Variants in COL19A1 observed in about 807,000 individuals in gnomAD.
The protein encoded by COL19A1 is collagen alpha-1(XIX) chain.
In COL19A1, 159 loss-of-function variants were observed where a neutral mutation model predicts 190.2. The ratio of observed to expected loss-of-function variants is 0.84; its 90% CI spans 0.73 to 0.95. COL19A1 has a LOEUF of 0.95. COL19A1 is among the 40% of genes least tolerant of loss of function. The pLI is 0.00. For missense variants in COL19A1, 1,418 were observed against 1,431.9 expected, an observed-to-expected ratio of 0.99 and a Z score of 0.16; for synonymous variants, 509 against 458.9, an observed-to-expected ratio of 1.11 and a Z score of -1.39.
Position 69,945,904 on chromosome 6 carries a change from T to C in COL19A1, c.936+7804T>C, listed in dbSNP as rs139404554. On this transcript the variant is annotated intron_variant, in intron 9 of 50. Coordinates refer to ENST00000620364, the MANE Select transcript of COL19A1 (RefSeq NM_001858.6). ...TATTTTCCACTGTTTCGAGGATAAA[T>C]TTATTAGACTGAATTTGTGATAGTG... 8.0e-4 allele frequency among the ~76,000 whole-genome samples: 121 copies of C among 152,130 alleles called. No individual in the cohort carries two copies. The East Asian group carries it at 0.021, about 27-fold the overall frequency.
intron 14 of COL19A1, among the ~76,000 whole-genome samples, chr6:70,050,304 G>A (rs1159773863): frequency 6.6e-6 from 1 of 152,020 alleles, no homozygotes; most frequent in Non-Finnish European, 1.5e-5. Flanking sequence ...AGTTCTTTAT[G>A]AAATAATTGC....
At chr6:70,194,667 T>A (rs1043281145) in intron 48 of COL19A1, among the ~76,000 whole-genome samples, 1 of 152,158 alleles carries the variant, frequency 6.6e-6, no homozygotes, top group Non-Finnish European at 1.5e-5. Context: ...CCCACACAAA[T>A]GAGGCTCTTG....
chr6:69,880,286 A>ATTTGGAAGAC (rs1314255600), intron 2 of COL19A1, among the ~76,000 whole-genome samples: 1 of 152,184 alleles, frequency 6.6e-6, no homozygotes, highest in African/African-American at 2.4e-5. Context: ...TATGTGGTTA[A>ATTTGGAAGAC]TTTGGAAGAC....
chr6:69,924,120 T>C (rs1301448174), intron 4 of COL19A1, among the ~76,000 whole-genome samples: 1 of 152,188 alleles, frequency 6.6e-6, no homozygotes, highest in Non-Finnish European at 1.5e-5. Context: ...TTTTAAATTA[T>C]ACTTTAAGTT....
Position 70,207,146 on chromosome 6 carries a change from G to C in COL19A1, c.3302-1G>C. 1 of 1,612,984 alleles carries C rather than the reference G, an allele frequency of 6.2e-7. No homozygotes were observed. Among genetic ancestry groups the C allele is most frequent in the South Asian group, 1.1e-5 (1 of 91,032 alleles). On this transcript the variant is annotated splice_acceptor_variant, in intron 50 of 50. Transcript: ENST00000620364. LOFTEE classifies it high-confidence loss of function. ...TTGTAATTTTTTTTTTATGTCGTTA[G>C]CTCTGGGTTTGCCAGGCTCACCAGG...
At chr6:70,018,938 C>T (rs1158600961) in intron 11 of COL19A1, among the ~76,000 whole-genome samples, 2 of 152,120 alleles carry the variant, frequency 1.3e-5, no homozygotes, top group African/African-American at 4.8e-5. Context: ...CAGGGCTGAA[C>T]AAACTCTCTG....
At chr6:69,918,152 T>G (rs750767833) in intron 4 of COL19A1, among the ~76,000 whole-genome samples, 3 of 152,192 alleles carry the variant, frequency 2.0e-5, no homozygotes, top group Non-Finnish European at 4.4e-5. Context: ...TGAGTCATGG[T>G]CAGAGAAATG....
chr6:70,205,347 C>T (rs1028304950), intron 49 of COL19A1, among the ~76,000 whole-genome samples: 1 of 152,146 alleles, frequency 6.6e-6, no homozygotes, highest in African/African-American at 2.4e-5. Context: ...CTAAAAACTG[C>T]TATCTAATTC....
chr6:69,966,278 C>T (rs1235840204), intron 11 of COL19A1, among the ~76,000 whole-genome samples: 1 of 152,090 alleles, frequency 6.6e-6, no homozygotes, highest in Non-Finnish European at 1.5e-5. Flanking sequence ...GTGTACCCAA[C>T]AGCTCATTGA....
rs145423903 is a variant in COL19A1, at chr6:70,158,903, A to T, written c.2292+2180A>T. Among the ~76,000 whole-genome samples the T allele has an allele frequency of 2.2e-3, 335 of 152,186 alleles. 3 individuals are homozygous for T. Among genetic ancestry groups the T allele is most frequent in the African/African-American group, 6.2e-3 (257 of 41,544 alleles). On this transcript the variant is annotated intron_variant, in intron 34 of 50. Coordinates refer to ENST00000620364, the MANE Select transcript of COL19A1 (RefSeq NM_001858.6). ...TAATATGTATTTGTCTTCTTTAATG[A>T]TCATCTTGTCTTCTAAAATTATCTT...
At chr6:70,176,099 T>G (rs1408198594) in intron 41 of COL19A1, among the ~76,000 whole-genome samples, 1 of 151,974 alleles carries the variant, frequency 6.6e-6, no homozygotes, top group African/African-American at 2.4e-5. Flanking sequence ...TTATTCTAAC[T>G]CTATATCCAA....
intron 11 of COL19A1, among the ~76,000 whole-genome samples, chr6:70,002,728 T>A (rs1777340547): frequency 6.6e-6 from 1 of 151,264 alleles, no homozygotes; most frequent in Non-Finnish European, 1.5e-5. Context: ...CTTTGTCACT[T>A]TTTATTGTGT....
At chr6:70,076,475 C>G (rs1490831551) in intron 15 of COL19A1, among the ~76,000 whole-genome samples, 1 of 152,134 alleles carries the variant, frequency 6.6e-6, no homozygotes, top group Non-Finnish European at 1.5e-5. Context: ...ACAGCTGATC[C>G]CTTTATGGTC....
intron 11 of COL19A1, among the ~76,000 whole-genome samples, chr6:69,997,026 T>TATATATATATAGAGAG (rs576813975): frequency 1.4e-5 from 2 of 146,902 alleles, no homozygotes; most frequent in African/African-American, 5.3e-5. Context: ...TATATATATA[T>TATATATATATAGAGAG]AGAGAGAGAG....
chr6:70,198,732 C>T (rs1387199452), intron 48 of COL19A1, among the ~76,000 whole-genome samples: 1 of 152,154 alleles, frequency 6.6e-6, no homozygotes, highest in Non-Finnish European at 1.5e-5. Flanking sequence ...ACTTTAGTGG[C>T]TTAAAACATT....
intron 16 of COL19A1, among the ~76,000 whole-genome samples, chr6:70,120,907 G>C (rs540781353): frequency 3.9e-5 from 6 of 152,244 alleles, no homozygotes; most frequent in Admixed American, 2.0e-4. Context: ...GCTAACGATT[G>C]CTTCTTAAAA....
intron 14 of COL19A1, among the ~76,000 whole-genome samples, chr6:70,068,064 T>A (rs965458396): frequency 2.0e-5 from 3 of 152,094 alleles, no homozygotes; most frequent in Non-Finnish European, 4.4e-5. Flanking sequence ...ATTTTATTTA[T>A]AGAGTTTAAA....
chr6:69,915,117 G>T (rs1397705076), intron 4 of COL19A1, among the ~76,000 whole-genome samples: 1 of 152,094 alleles, frequency 6.6e-6, no homozygotes, highest in Non-Finnish European at 1.5e-5. Context: ...ACAAACTGTG[G>T]TTCTTTTAGG....
At position 70,190,346 on chromosome 6, in the gene COL19A1, A is replaced by C. The variant is rs775073207; in HGVS notation, c.3059A>C (p.Lys1020Thr). The C allele has an allele frequency of 1.9e-6, 3 of 1,607,186 alleles. No homozygotes were observed. Among genetic ancestry groups the C allele is most frequent in the African/African-American group, 1.3e-5 (1 of 74,618 alleles). The part of the protein sequence containing the change: ...ADAVSFEEIK[K>T]YINQEVLRIF... ...GCAGTTTCATTTGAAGAAATAAAGAAGTATATTAATCAAGAGGTCCTAAGG... is the reference window on the plus strand; with the variant it reads ...GCAGTTTCATTTGAAGAAATAAAGACGTATATTAATCAAGAGGTCCTAAGG... Residue 1020 changes from lysine (K) to threonine (T), a missense_variant, in exon 48 of 51, where the codon AAG (lysine) becomes ACG (threonine). Transcript: ENST00000620364.
Sources: gnomAD v4.1 joint callset for allele counts (sites outside exome capture counted in the v4.1 genomes callset) on GRCh38, gnomAD v4.1.1 for gene constraint, MANE v1.5 for transcripts, NCBI Gene and HGNC (gene_info 2026-07-23, HGNC 2026-07-21) for gene names.